The following SIX2 variants were observed in gnomAD, a reference collection of about 807,000 sequenced individuals.
SIX2 encodes SIX homeobox 2.
A neutral mutation model predicts 22.8 loss-of-function variants in SIX2; 20 were observed. The ratio of observed to expected loss-of-function variants is 0.88; its 90% CI spans 0.62 to 1.28. The LOEUF is 1.28. Among genes scored for constraint, SIX2 ranks in the 50% most tolerant of loss-of-function variants. SIX2 has a pLI of 0.00. For missense variants in SIX2, 360 were observed against 400.0 expected (o/e 0.90, Z 0.85); for synonymous variants, 195 against 186.4 (o/e 1.05, Z -0.37).
In SIX2 at chr2:45,006,459, T is replaced by A. The variant is rs200287647; in HGVS notation, c.587A>T (p.Asn196Ile). 1 of 1,613,794 alleles carries A rather than the reference T, an allele frequency of 6.2e-7. No individual in the cohort carries two copies. Among genetic ancestry groups the A allele is most frequent in the African/African-American group, 1.3e-5 (1 of 74,932 alleles). The change falls in exon 2 of 2, where the codon AAC becomes ATC. Residue 196 changes from asparagine to isoleucine, a missense_variant. Transcript: ENST00000303077. The surrounding 1 kb of genome is among the most constrained non-coding windows in gnomAD (Gnocchi z 4.2). ...GCTGCCATTCAGCGGGTTGTGGCTG[T>A]TAGAATTGGAGTTCTCGTTGTTCTC... ...ERENNENSNS[N>I]SHNPLNGSGK...
At position 45,005,792 on chromosome 2, in the gene SIX2, G is replaced by GGGAGAAAGACAGAAAGCA; in HGVS notation, c.*360_*377dup. On this transcript the variant is annotated 3_prime_UTR_variant, in exon 2 of 2. Coordinates refer to ENST00000303077, the MANE Select transcript of SIX2 (RefSeq NM_016932.5). Reference sequence around the variant, plus strand: ...CTAGAAGGAAAGCAATACAAGGAGAGGGAGAAAGACAGAAAGCAGAAAAAA... The same window carrying GGGAGAAAGACAGAAAGCA: ...CTAGAAGGAAAGCAATACAAGGAGAGGGAGAAAGACAGAAAGCAGGAGAAAGACAGAAAGCAGAAAAAA... The GGGAGAAAGACAGAAAGCA allele has an allele frequency of 2.7e-6, 1 of 364,678 alleles. No individual in the cohort carries two copies. Among genetic ancestry groups the GGGAGAAAGACAGAAAGCA allele is most frequent in the Non-Finnish European group, 5.2e-6 (1 of 191,700 alleles). The allele number at this position is 364,678 out of a possible 1,614,324, so 22.6% of individuals were successfully genotyped here. A position where few individuals can be genotyped will look rare whatever the true frequency, so the allele number is the denominator to read the frequency against.
At chr2:45,008,430 C>A in intron 1 of SIX2, 121 bp downstream of exon 1, 3 of 1,055,224 alleles carry the variant, frequency 2.8e-6, no homozygotes, top group Middle Eastern at 2.9e-4. Flanking sequence ...CGGGCTGCCG[C>A]TGGGCTGTGG....
In SIX2 at chr2:45,009,117, G is replaced by A. The variant is rs1036544667; in HGVS notation, c.-7C>T. 6.4e-7 allele frequency: 1 copy of A among 1,551,370 alleles called. No homozygotes were observed. The highest frequency in any genetic ancestry group is 8.7e-7 in the Non-Finnish European group (1 of 1,155,598). On this transcript the variant is annotated 5_prime_UTR_variant, in exon 1 of 2. Coordinates refer to ENST00000303077, the MANE Select transcript of SIX2 (RefSeq NM_016932.5). Reference sequence around the variant, plus strand: ...AGGTGGGCAGCATGGACATGGTGCCGGCTGCGTCCCCGCCCGCCCGCGCGC... The same window carrying A: ...AGGTGGGCAGCATGGACATGGTGCCAGCTGCGTCCCCGCCCGCCCGCGCGC...
chr2:45,006,538 A>T lies in SIX2; in HGVS notation c.561-53T>A, dbSNP rs979761302. On this transcript the variant is annotated intron_variant, in intron 1 of 1. Transcript: ENST00000303077. This position sits in a 1 kb window ranked among gnomAD's most constrained non-coding sequence, Gnocchi z 4.2. ...GTCAGCAGGGACATCGAGACCACCC[A>T]GCGCCATCTCAGTCACAGTCAGAGC... 8 of 1,546,520 alleles carry T rather than the reference A, an allele frequency of 5.2e-6. No individual in the cohort carries two copies. In the Middle Eastern group the frequency reaches 5.0e-4, roughly 97 times the overall value.
At chr2:45,008,143 A>G (rs1448731040) in intron 1 of SIX2, among the ~76,000 whole-genome samples, 1 of 152,164 alleles carries the variant, frequency 6.6e-6, no homozygotes, top group Non-Finnish European at 1.5e-5. Context: ...GCTGGGGGGA[A>G]ATGCCGGGAA....
In SIX2 at chr2:45,008,889, C is replaced by A; in HGVS notation, c.222G>T (p.Gln74His). The part of the protein sequence containing the change: ...RELYKILESH[Q>H]FSPHNHAKLQ... ...GCTTGGCGTGGTTGTGCGGCGAGAA[C>A]TGGTGGCTCTCCAGGATCTTGTAGA... Residue 74 changes from glutamine to histidine, a missense_variant, in exon 1 of 2, where the codon CAG (glutamine) becomes CAT (histidine). This residue lies in a region of SIX2 where 118 missense variants were observed against 135.1 expected (regional missense o/e 0.87). Coordinates refer to ENST00000303077, the MANE Select transcript of SIX2 (RefSeq NM_016932.5). The A allele has an allele frequency of 6.2e-7, 1 of 1,614,052 alleles. No homozygotes were observed. The highest frequency in any genetic ancestry group is 1.1e-5 in the South Asian group (1 of 91,090).
Position 45,006,120 on chromosome 2 carries a change from C to T in SIX2, c.*50G>A, listed in dbSNP as rs923861384. On this transcript the variant is annotated 3_prime_UTR_variant, in exon 2 of 2. Transcript: ENST00000303077. This position sits in a 1 kb window ranked among gnomAD's most constrained non-coding sequence, Gnocchi z 4.2. Reference sequence around the variant, plus strand: ...GGCGCCCCTGGACACCGCCACTCCACGTCCCCAGTGTCAAGTCACAAAAGG... The same window carrying T: ...GGCGCCCCTGGACACCGCCACTCCATGTCCCCAGTGTCAAGTCACAAAAGG... 6.3e-6 allele frequency: 10 copies of T among 1,596,734 alleles called. No individual in the cohort carries two copies. Among genetic ancestry groups the T allele is most frequent in the South Asian group, 4.4e-5 (4 of 90,738 alleles).
Position 45,006,563 on chromosome 2 carries a change from C to T in SIX2, c.561-78G>A. On this transcript the variant is annotated intron_variant, in intron 1 of 1. Transcript: ENST00000303077. The surrounding 1 kb of genome is among the most constrained non-coding windows in gnomAD (Gnocchi z 4.2). ...AGCGCCATCTCAGTCACAGTCAGAG[C>T]CAGCCACCAGCCTCGGGAGACAGAT... 1 of 1,354,768 alleles carries T rather than the reference C, an allele frequency of 7.4e-7. No homozygotes were observed. Among genetic ancestry groups the T allele is most frequent in the Non-Finnish European group, 1.0e-6 (1 of 956,644 alleles). 83.9% of individuals were successfully genotyped at this position (1,354,768 alleles called of 1,614,324 possible).
At position 45,009,007 on chromosome 2, in the gene SIX2, C is replaced by G; in HGVS notation, c.104G>C (p.Trp35Ser). The G allele has an allele frequency of 6.2e-7, 1 of 1,611,706 alleles. No homozygotes were observed. The highest frequency in any genetic ancestry group is 8.5e-7 in the Non-Finnish European group (1 of 1,179,834). Residue 35 changes from tryptophan (W) to serine (S), a missense_variant, in exon 1 of 2, where the codon TGG becomes TCG. By Grantham distance (177) the Trp-to-Ser change is radical. Transcript: ENST00000303077. The stretch of plus-strand genomic sequence containing the variant: ...AAGGTGCTCGCAGGCGGGCAGCGAC[C>G]ACAGGAAGCGGCCCAGCCGCTCGAT... ...GNIERLGRFL[W>S]SLPACEHLHK...
chr2:45,005,423 C>G lies in SIX2; in HGVS notation c.*747G>C, dbSNP rs1328093899. The G allele has an allele frequency of 6.6e-6, 1 of 152,324 alleles. No individual in the cohort carries two copies. The highest frequency in any genetic ancestry group is 1.5e-5 in the Non-Finnish European group (1 of 68,210). The allele number at this position is 152,324 out of a possible 1,614,324, so 9.4% of individuals were successfully genotyped here. ...ATGACGAGGCGGCGTTTAGGGGCTT[C>G]TGTGGCGCTGCCCTTTCTCTCTCAC... On this transcript the variant is annotated 3_prime_UTR_variant, in exon 2 of 2. Coordinates refer to ENST00000303077, the MANE Select transcript of SIX2 (RefSeq NM_016932.5).
chr2:45,006,146 C>G lies in SIX2; in HGVS notation c.*24G>C, dbSNP rs1211622314. The G allele has an allele frequency of 6.2e-7, 1 of 1,613,578 alleles. No individual in the cohort carries two copies. Among genetic ancestry groups the G allele is most frequent in the Non-Finnish European group, 8.5e-7 (1 of 1,179,528 alleles). On this transcript the variant is annotated 3_prime_UTR_variant, in exon 2 of 2. Coordinates refer to ENST00000303077, the MANE Select transcript of SIX2 (RefSeq NM_016932.5). The surrounding 1 kb of genome is among the most constrained non-coding windows in gnomAD (Gnocchi z 4.2). Reference sequence around the variant, plus strand: ...GTCCCCAGTGTCAAGTCACAAAAGGCAAGCTCATCAAGGCAAATGGGTTCT... The same window carrying G: ...GTCCCCAGTGTCAAGTCACAAAAGGGAAGCTCATCAAGGCAAATGGGTTCT...
chr2:45,006,236 G>T lies in SIX2; in HGVS notation c.810C>A (p.His270Gln), dbSNP rs938226527. ...GGATGGAGTCCTGCAGGCCATGGTG[G>T]TGTTGCAGTGGGTCCGCTCCACCTC... Reference protein sequence around the residue: ...PGGGGADPLQHHHGLQDSILN... With the variant: ...PGGGGADPLQQHHGLQDSILN... Residue 270 changes from histidine to glutamine, a missense_variant, in exon 2 of 2, where the codon CAC (histidine) becomes CAA (glutamine). Physicochemically the swap from His to Gln is conservative, Grantham distance 24. Around this residue, in one of 3 missense-constraint regions of SIX2, gnomAD observed 235 missense variants for 231.9 expected, o/e 1.01. Transcript: ENST00000303077. This position sits in a 1 kb window ranked among gnomAD's most constrained non-coding sequence, Gnocchi z 4.2. The T allele has an allele frequency of 3.1e-6, 5 of 1,614,246 alleles. No individual in the cohort carries two copies. In the Admixed American group the frequency reaches 6.7e-5, roughly 22 times the overall value.
Position 45,005,804 on chromosome 2 carries a change from G to A in SIX2, c.*366C>T. The A allele has an allele frequency of 2.6e-6, 1 of 382,142 alleles. No individual in the cohort carries two copies. The highest frequency in any genetic ancestry group is 4.9e-6 in the Non-Finnish European group (1 of 202,648). The allele number at this position is 382,142 out of a possible 1,614,324, so 23.7% of individuals were successfully genotyped here. ...CAATACAAGGAGAGGGAGAAAGACAGAAAGCAGAAAAAAGAAAAGAGAAGG... is the reference window on the plus strand; with the variant it reads ...CAATACAAGGAGAGGGAGAAAGACAAAAAGCAGAAAAAAGAAAAGAGAAGG... On this transcript the variant is annotated 3_prime_UTR_variant, in exon 2 of 2. Coordinates refer to ENST00000303077, the MANE Select transcript of SIX2 (RefSeq NM_016932.5).
At position 45,006,560 on chromosome 2, in the gene SIX2, G is replaced by C. The variant is rs974067362; in HGVS notation, c.561-75C>G. 35 of 1,427,756 alleles carry C rather than the reference G, an allele frequency of 2.5e-5. No individual in the cohort carries two copies. The highest frequency in any genetic ancestry group is 3.3e-5 in the Non-Finnish European group (34 of 1,022,694). 88.4% of individuals were successfully genotyped at this position (1,427,756 alleles called of 1,614,324 possible). A position where few individuals can be genotyped will look rare whatever the true frequency, so the allele number is the denominator to read the frequency against. On this transcript the variant is annotated intron_variant, in intron 1 of 1. Coordinates refer to ENST00000303077, the MANE Select transcript of SIX2 (RefSeq NM_016932.5). This position sits in a 1 kb window ranked among gnomAD's most constrained non-coding sequence, Gnocchi z 4.2. ...CCCAGCGCCATCTCAGTCACAGTCA[G>C]AGCCAGCCACCAGCCTCGGGAGACA...
Position 45,005,643 on chromosome 2 carries a change from G to GGT in SIX2, c.*525_*526dup, listed in dbSNP as rs1403939113. ...CACCAGTCAGGAGGAGAAAGACAGG[G>GGT]GTACATACGGAGGGACCAGGACACA... On this transcript the variant is annotated 3_prime_UTR_variant, in exon 2 of 2. Coordinates refer to ENST00000303077, the MANE Select transcript of SIX2 (RefSeq NM_016932.5). 1.0e-5 allele frequency: 2 copies of GGT among 192,484 alleles called. No homozygotes were observed. The highest frequency in any genetic ancestry group is 4.7e-5 in the African/African-American group (2 of 42,714). 11.9% of individuals were successfully genotyped at this position (192,484 alleles called of 1,614,324 possible). A position where few individuals can be genotyped will look rare whatever the true frequency, so the allele number is the denominator to read the frequency against.
rs370882250 is a variant in SIX2, at chr2:45,008,819, G to T, written c.292C>A (p.Leu98Met). ...ACGGCGCCCAGGGGTCGGCCGCGCAGCTTCTCCGCCTCGATGTAGTGTGCC... is the reference window on the plus strand; with the variant it reads ...ACGGCGCCCAGGGGTCGGCCGCGCATCTTCTCCGCCTCGATGTAGTGTGCC... Reference protein sequence around the residue: ...LKAHYIEAEKLRGRPLGAVGK... With the variant: ...LKAHYIEAEKMRGRPLGAVGK... Residue 98 changes from leucine (L) to methionine (M), a missense_variant, in exon 1 of 2, where the codon CTG (leucine) becomes ATG (methionine). This residue lies in a region of SIX2 where 118 missense variants were observed against 135.1 expected (regional missense o/e 0.87). Coordinates refer to ENST00000303077, the MANE Select transcript of SIX2 (RefSeq NM_016932.5). 36 of 1,613,796 alleles carry T rather than the reference G, an allele frequency of 2.2e-5. No homozygotes were observed. The highest frequency in any genetic ancestry group is 2.7e-5 in the Non-Finnish European group (32 of 1,179,974).
At position 45,006,477 on chromosome 2, in the gene SIX2, T is replaced by C. The variant is rs1356335988; in HGVS notation, c.569A>G (p.Asn190Ser). ...GTGGCTGTTAGAATTGGAGTTCTCGTTGTTCTCCCTGCAAGTGCGGGAGCA... is the reference window on the plus strand; with the variant it reads ...GTGGCTGTTAGAATTGGAGTTCTCGCTGTTCTCCCTGCAAGTGCGGGAGCA... The part of the protein sequence containing the change: ...RAAEAKEREN[N>S]ENSNSNSHNP... Residue 190 changes from asparagine (N) to serine (S), a missense_variant, in exon 2 of 2, where the codon AAC becomes AGC. This residue lies in a region of SIX2 where 235 missense variants were observed against 231.9 expected (regional missense o/e 1.01). Coordinates refer to ENST00000303077, the MANE Select transcript of SIX2 (RefSeq NM_016932.5). This position sits in a 1 kb window ranked among gnomAD's most constrained non-coding sequence, Gnocchi z 4.2. 25 of 1,613,190 alleles carry C rather than the reference T, an allele frequency of 1.5e-5. No homozygotes were observed. The highest frequency in any genetic ancestry group is 2.0e-5 in the Non-Finnish European group (24 of 1,179,996).
At position 45,009,160 on chromosome 2, in the gene SIX2, C is replaced by G; in HGVS notation, c.-50G>C. 6.8e-7 allele frequency: 1 copy of G among 1,468,642 alleles called. No homozygotes were observed. The highest frequency in any genetic ancestry group is 8.9e-7 in the Non-Finnish European group (1 of 1,118,540). 91.0% of individuals were successfully genotyped at this position (1,468,642 alleles called of 1,614,324 possible). A position where few individuals can be genotyped will look rare whatever the true frequency, so the allele number is the denominator to read the frequency against. On this transcript the variant is annotated 5_prime_UTR_variant, in exon 1 of 2. Transcript: ENST00000303077. ...CCGCGCGCGCCCTCACCGGGCCGCG[C>G]GGTCCCGCATGGGAGCTTCCTCGCC...
intron 1 of SIX2, 73 bp downstream of exon 1, chr2:45,008,477 AC>A (rs1329486089): frequency 1.3e-6 from 2 of 1,510,646 alleles, no homozygotes; most frequent in African/African-American, 2.7e-5. Flanking sequence ...TCTCCGGGGG[AC>A]CGGCAGAAGC....
Sources: gnomAD v4.1 joint callset for allele counts (sites outside exome capture counted in the v4.1 genomes callset) on GRCh38, gnomAD v4.1.1 for gene constraint, gnomAD v4.1.1 regional missense constraint, Gnocchi (gnomAD v3.1) non-coding constraint, MANE v1.5 for transcripts, NCBI Gene and HGNC (gene_info 2026-07-23, HGNC 2026-07-21) for gene names.